EPHA6: variants seen among roughly 807,000 people sequenced by gnomAD.
EPHA6 encodes EPH receptor A6, also known as ephrin type-A receptor 6.
A neutral mutation model predicts 112.0 loss-of-function variants in EPHA6; 50 were observed. The observed-to-expected ratio is 0.45, with a 90% confidence interval of 0.36 to 0.56. The LOEUF is 0.56. EPHA6 is among the 20% of genes least tolerant of loss of function. The probability of loss-of-function intolerance (pLI) is 0.00; values close to 1 mark genes in which losing one functional copy is unlikely to be tolerated. For synonymous variants in EPHA6, 529 were observed against 490.7 expected (o/e 1.08, Z -1.03); for missense variants, 1,280 against 1,417.4 (o/e 0.90, Z 1.56).
intron 3 of EPHA6, among the ~76,000 whole-genome samples, chr3:97,101,496 G>T (rs1276212531): frequency 6.6e-6 from 1 of 151,900 alleles, no homozygotes; most frequent in African/African-American, 2.4e-5. Flanking sequence ...TGTTCATGTG[G>T]GAATAACCCA....
intron 11 of EPHA6, among the ~76,000 whole-genome samples, chr3:97,589,673 G>A (rs903624886): frequency 6.6e-6 from 1 of 152,068 alleles, no homozygotes; most frequent in Non-Finnish European, 1.5e-5. Flanking sequence ...CTGCACTAAG[G>A]AGAGAATCGA....
rs989125360 is a variant in EPHA6 at position 97,411,694 on chromosome 3, G to A, written c.1731+6420G>A. The stretch of plus-strand genomic sequence containing the variant: ...TCATGACTGAGGTCCTTATAAAAAC[G>A]AATTAAGAAGAGACAAGCCTACAAA... On this transcript the variant is annotated intron_variant, in intron 6 of 17. Coordinates refer to ENST00000389672, the MANE Select transcript of EPHA6 (RefSeq NM_001080448.3). 5.3e-5 allele frequency among the ~76,000 whole-genome samples: 8 copies of A among 151,878 alleles called. No homozygotes were observed. The South Asian group carries it at 6.2e-4, about 12-fold the overall frequency.
At chr3:97,380,047 T>C (rs1035280366) in intron 5 of EPHA6, among the ~76,000 whole-genome samples, 10 of 152,194 alleles carry the variant, frequency 6.6e-5, no homozygotes, top group Admixed American at 4.6e-4. Flanking sequence ...TCATGGGAGA[T>C]AGAGAACAAT....
intron 2 of EPHA6, among the ~76,000 whole-genome samples, chr3:96,955,692 A>T (rs2041730578): frequency 6.6e-6 from 1 of 152,316 alleles, no homozygotes; most frequent in Admixed American, 6.5e-5. Context: ...AATGATCTTT[A>T]TTTTAACCTT....
chr3:97,020,214 T>C (rs936407196), intron 3 of EPHA6, among the ~76,000 whole-genome samples: 1 of 152,206 alleles, frequency 6.6e-6, no homozygotes, highest in African/African-American at 2.4e-5. Flanking sequence ...ATCCACAGAC[T>C]GAAGCAGTTT....
chr3:96,867,767 A>G (rs2036401857), intron 2 of EPHA6, among the ~76,000 whole-genome samples: 1 of 151,900 alleles, frequency 6.6e-6, no homozygotes, highest in African/African-American at 2.4e-5. Context: ...GGAGAAATTG[A>G]TCCAAATATG....
intron 5 of EPHA6, among the ~76,000 whole-genome samples, chr3:97,297,066 T>A (rs1274095246): frequency 6.6e-6 from 1 of 152,124 alleles, no homozygotes; most frequent in Non-Finnish European, 1.5e-5. Context: ...AGTAATCCCA[T>A]CATGTGGTCT....
At chr3:97,224,543 T>C (rs1016112010) in intron 3 of EPHA6, among the ~76,000 whole-genome samples, 1 of 152,208 alleles carries the variant, frequency 6.6e-6, no homozygotes, top group Non-Finnish European at 1.5e-5. Context: ...ACAATGTTTT[T>C]GGCTGAAATT....
At chr3:96,925,587 CA>C (rs2039992501) in intron 2 of EPHA6, among the ~76,000 whole-genome samples, 1 of 149,058 alleles carries the variant, frequency 6.7e-6, no homozygotes, top group Non-Finnish European at 1.5e-5. Flanking sequence ...TTTCAAAAAA[CA>C]AGCTCCTTGA....
intron 5 of EPHA6, among the ~76,000 whole-genome samples, chr3:97,363,737 A>G (rs367881100): frequency 8.5e-4 from 130 of 152,190 alleles, no homozygotes; most frequent in African/African-American, 2.4e-3. Context: ...ACAGTAGCCA[A>G]AAGAAGGAAG....
intron 16 of EPHA6, among the ~76,000 whole-genome samples, chr3:97,744,087 AC>A (rs1377246433): frequency 6.6e-6 from 1 of 151,976 alleles, no homozygotes; most frequent in Non-Finnish European, 1.5e-5. Flanking sequence ...TACCTGTAAT[AC>A]CTATACTCCA....
intron 5 of EPHA6, among the ~76,000 whole-genome samples, chr3:97,327,184 T>C (rs2082471752): frequency 6.6e-6 from 1 of 152,088 alleles, no homozygotes. Context: ...CATTATGAAA[T>C]ATAAAAGTAC....
At chr3:97,040,503 C>T (rs2045274458) in intron 3 of EPHA6, among the ~76,000 whole-genome samples, 1 of 151,860 alleles carries the variant, frequency 6.6e-6, no homozygotes, top group Non-Finnish European at 1.5e-5. Flanking sequence ...TTTATCATGG[C>T]CTTTGGTCTT....
At chr3:97,056,923 A>T (rs1410059979) in intron 3 of EPHA6, among the ~76,000 whole-genome samples, 1 of 152,144 alleles carries the variant, frequency 6.6e-6, no homozygotes, top group Non-Finnish European at 1.5e-5. Context: ...CACCACAATT[A>T]TTGCTACCAA....
At chr3:97,487,043 C>A (rs577795318) in intron 10 of EPHA6, among the ~76,000 whole-genome samples, 1 of 152,206 alleles carries the variant, frequency 6.6e-6, no homozygotes, top group Middle Eastern at 3.4e-3. Flanking sequence ...AAGTGGTAGT[C>A]TAGATGCTAG....
At chr3:97,063,365 G>A (rs1576418824) in intron 3 of EPHA6, among the ~76,000 whole-genome samples, 1 of 152,198 alleles carries the variant, frequency 6.6e-6, no homozygotes, top group African/African-American at 2.4e-5. Context: ...GGAATACTAT[G>A]CAGCCATAAA....
At chr3:97,587,404 G>A (rs2093500593) in intron 11 of EPHA6, among the ~76,000 whole-genome samples, 1 of 151,708 alleles carries the variant, frequency 6.6e-6, no homozygotes, top group African/African-American at 2.4e-5. Flanking sequence ...ACTTATTATT[G>A]TTTTATGCTT....
intron 2 of EPHA6, among the ~76,000 whole-genome samples, chr3:96,938,894 A>C (rs1330125645): frequency 6.6e-6 from 1 of 152,208 alleles, no homozygotes; most frequent in Non-Finnish European, 1.5e-5. Flanking sequence ...TTCTGTTTAC[A>C]TGCTGGATTA....
chr3:96,817,882 T>G (rs1382814115), intron 1 of EPHA6, among the ~76,000 whole-genome samples: 1 of 151,942 alleles, frequency 6.6e-6, no homozygotes. Context: ...AAAGGATCTC[T>G]TCTCTTGTCT....
Sources: allele counts gnomAD v4.1 joint callset (sites outside exome capture counted in the v4.1 genomes callset), GRCh38; gene constraint gnomAD v4.1.1; transcripts MANE v1.5; gene names NCBI Gene and HGNC (gene_info 2026-07-23, HGNC 2026-07-21).